Variants in AK8 observed in about 807,000 individuals in gnomAD.
AK8 encodes ATP-AMP transphosphorylase 8.
Under a neutral mutation model 54.6 loss-of-function variants are expected in AK8, and 44 were observed. The observed-to-expected ratio is 0.81, with a 90% confidence interval of 0.63 to 1.04. The LOEUF is 1.04. AK8 is among the 50% of genes least tolerant of loss of function. AK8 has a pLI of 0.00. For missense variants in AK8, 555 were observed against 613.6 expected (o/e 0.90, Z 1.01); for synonymous variants, 239 against 245.6 (o/e 0.97, Z 0.25).
chr9:132,769,712 T>G (rs1387196170), intron 11 of AK8: 1 of 152,210 alleles, frequency 6.6e-6, no homozygotes, highest in East Asian at 1.9e-4. Flanking sequence ...GCCGAGACTT[T>G]CAGCGAGGCC....
intron 5 of AK8, among the ~76,000 whole-genome samples, chr9:132,829,729 A>G (rs1411570445): frequency 6.6e-6 from 1 of 151,996 alleles, no homozygotes. Context: ...TATTTTTACT[A>G]TTTATTTATA....
In AK8 at chr9:132,823,309, C is replaced by T. The variant is rs768079776; in HGVS notation, c.785G>A (p.Arg262His). Residue 262 changes from arginine to histidine, a missense_variant, in exon 9 of 13, where the codon CGT becomes CAT. Transcript: ENST00000298545. ...CCTCGGGGTGAACGGGGCATTAGTACGATGGTTGCTTTGGACATAGGTCAG... is the reference window on the plus strand; with the variant it reads ...CCTCGGGGTGAACGGGGCATTAGTATGATGGTTGCTTTGGACATAGGTCAG... Reference protein sequence around the residue: ...QALTYVQSNHRTNAPFTPRVL... With the variant: ...QALTYVQSNHHTNAPFTPRVL... 3.1e-6 allele frequency: 5 copies of T among 1,613,850 alleles called. No homozygotes were observed. The highest frequency in any genetic ancestry group is 2.2e-5 in the East Asian group (1 of 44,858).
At position 132,875,230 on chromosome 9, in the gene AK8, T is replaced by G. The variant is rs778477560; in HGVS notation, c.85-31A>C. 2.5e-6 allele frequency: 4 copies of G among 1,612,476 alleles called. No individual in the cohort carries two copies. In the South Asian group the frequency reaches 4.4e-5, roughly 18 times the overall value. ...GGTGCAGGGCAGACACCCAGGTGGT[T>G]AATACCTGCAAGGGCACCTGGTCAC... On this transcript the variant is annotated intron_variant, in intron 1 of 12. Transcript: ENST00000298545.
intron 11 of AK8, among the ~76,000 whole-genome samples, chr9:132,755,164 C>A (rs1838128230): frequency 6.6e-6 from 1 of 152,190 alleles, no homozygotes; most frequent in Non-Finnish European, 1.5e-5. Context: ...TGCTGTCATG[C>A]CAGAATATTT....
chr9:132,727,379 A>G, intron 12 of AK8, 75 bp downstream of exon 12: 3 of 1,361,470 alleles, frequency 2.2e-6, no homozygotes, highest in Non-Finnish European at 3.2e-6. Flanking sequence ...TGTTTCCACC[A>G]TGGCATTGGT....
intron 5 of AK8, among the ~76,000 whole-genome samples, chr9:132,852,728 C>T (rs540132337): frequency 1.4e-5 from 2 of 142,324 alleles, no homozygotes; most frequent in Non-Finnish European, 3.0e-5. Flanking sequence ...CGAGATCATG[C>T]CACTGCACTC....
At chr9:132,764,887 C>A (rs371081217) in intron 11 of AK8, among the ~76,000 whole-genome samples, 3 of 152,196 alleles carry the variant, frequency 2.0e-5, no homozygotes, top group East Asian at 3.9e-4. Context: ...AATACCAAGG[C>A]CAGACAAAGA....
chr9:132,814,895 C>T (rs1841251980), intron 9 of AK8, among the ~76,000 whole-genome samples, 168 bp from the exon 10 acceptor site: 1 of 151,654 alleles, frequency 6.6e-6, no homozygotes, highest in Admixed American at 6.6e-5. Context: ...AAGTAAATAT[C>T]AAAAAGGAGC....
chr9:132,726,797 G>C (rs1836596407), intron 12 of AK8, among the ~76,000 whole-genome samples: 1 of 152,118 alleles, frequency 6.6e-6, no homozygotes, highest in Non-Finnish European at 1.5e-5. Flanking sequence ...GAAGGCCACA[G>C]CACTTGAGAT....
intron 11 of AK8, among the ~76,000 whole-genome samples, chr9:132,773,614 C>A (rs1228943963): frequency 6.6e-6 from 1 of 152,196 alleles, no homozygotes; most frequent in Non-Finnish European, 1.5e-5. Flanking sequence ...TGAATAAAGT[C>A]ATTGCCATGT....
At chr9:132,834,552 C>A (rs1842239482) in intron 5 of AK8, among the ~76,000 whole-genome samples, 2 of 152,160 alleles carry the variant, frequency 1.3e-5, no homozygotes, top group African/African-American at 4.8e-5. Context: ...ACATGTATGA[C>A]TGTAGCAGGA....
At chr9:132,836,268 GACAGAGTGGGACCCCATCTCTGAAAAA>G (rs1842320260) in intron 5 of AK8, among the ~76,000 whole-genome samples, 4 of 152,216 alleles carry the variant, frequency 2.6e-5, no homozygotes, top group African/African-American at 9.6e-5. Flanking sequence ...CAGCCTGGGT[GACAGAGTGGGACCCCATCTCTGAAAAA>G]ACAAATAACA....
At chr9:132,878,844 G>A (rs1233965990), upstream of AK8, 1 of 913,914 alleles carries the variant, frequency 1.1e-6, no homozygotes, top group Non-Finnish European at 1.3e-6. This position sits in a 1 kb window ranked among gnomAD's most constrained non-coding sequence, Gnocchi z 4.7. Context: ...TGGCACCGGC[G>A]GTAACAATCA....
intron 10 of AK8, among the ~76,000 whole-genome samples, chr9:132,798,706 T>C (rs960407880): frequency 1.1e-4 from 16 of 152,096 alleles, no homozygotes; most frequent in Admixed American, 8.5e-4. Context: ...TTTTTTTTTT[T>C]CTCAAGATCT....
intron 10 of AK8, among the ~76,000 whole-genome samples, chr9:132,813,581 T>C (rs1472234337): frequency 2.0e-5 from 3 of 152,182 alleles, no homozygotes; most frequent in Non-Finnish European, 2.9e-5. Context: ...AGCTGCAGCA[T>C]GTGCAGGGGA....
intron 10 of AK8, among the ~76,000 whole-genome samples, chr9:132,801,073 C>T (rs566719880): frequency 1.2e-4 from 19 of 152,132 alleles, no homozygotes; most frequent in African/African-American, 3.6e-4. Context: ...TACAGAAGTG[C>T]GCCACCAGGC....
chr9:132,730,435 T>TG (rs1491132420), intron 11 of AK8, among the ~76,000 whole-genome samples: 4 of 75,508 alleles, frequency 5.3e-5, no homozygotes, highest in Non-Finnish European at 1.2e-4. Flanking sequence ...GCCCACTGCC[T>TG]GTTTTTTTTT....
At chr9:132,792,061 T>C (rs371407763) in intron 11 of AK8, among the ~76,000 whole-genome samples, 1 of 152,310 alleles carries the variant, frequency 6.6e-6, no homozygotes, top group Admixed American at 6.5e-5. Flanking sequence ...CGCCAAGCAA[T>C]GGTGGCTGAC....
At position 132,725,778 on chromosome 9, in the gene AK8, G is replaced by A. The variant is rs1028243259; in HGVS notation, c.1350C>T (p.Ala450=). 1.9e-6 allele frequency: 3 copies of A among 1,601,436 alleles called. No homozygotes were observed. The highest frequency in any genetic ancestry group is 2.6e-6 in the Non-Finnish European group (3 of 1,174,288). ...SADLEQLYGS[A]ITLNGDQDPY... is the part of the protein sequence containing the mutation. The stretch of plus-strand genomic sequence containing the variant: ...GGTCCTGGTCCCCATTGAGGGTGAT[G>A]GCCGACCCATACAACTGCTCCAAGT... The change falls in exon 13 of 13, where the codon GCC becomes GCT. Residue 450 remains alanine (A), a synonymous_variant. Coordinates refer to ENST00000298545, the MANE Select transcript of AK8 (RefSeq NM_152572.3).
Sources: gnomAD v4.1 joint callset for allele counts (sites outside exome capture counted in the v4.1 genomes callset) on GRCh38, gnomAD v4.1.1 for gene constraint, Gnocchi (gnomAD v3.1) non-coding constraint, MANE v1.5 for transcripts, NCBI Gene and HGNC (gene_info 2026-07-23, HGNC 2026-07-21) for gene names.